SDCCAG8: variants seen among roughly 807,000 people sequenced by gnomAD.
SDCCAG8 encodes SHH signaling and ciliogenesis regulator SDCCAG8.
A neutral mutation model predicts 101.8 loss-of-function variants in SDCCAG8; 74 were observed. That is an observed-to-expected ratio of 0.73 (90% CI 0.60 to 0.88). The LOEUF is 0.88. SDCCAG8 is among the 40% of genes least tolerant of loss of function. The probability of loss-of-function intolerance (pLI) is 0.00; values close to 1 mark genes in which losing one functional copy is unlikely to be tolerated. For synonymous variants in SDCCAG8, 281 were observed against 292.9 expected (o/e 0.96, Z 0.41); for missense variants, 787 against 822.6 (o/e 0.96, Z 0.53).
At chr1:243,377,830 C>T (rs1182692644) in intron 12 of SDCCAG8, among the ~76,000 whole-genome samples, 4 of 144,962 alleles carry the variant, frequency 2.8e-5, no homozygotes, top group Non-Finnish European at 4.5e-5. Flanking sequence ...TCTGCCCTTT[C>T]TTTTTTTTTT....
intron 7 of SDCCAG8, chr1:243,307,677 T>G: frequency 8.0e-7 from 1 of 1,245,300 alleles, no homozygotes; most frequent in Non-Finnish European, 1.0e-6. Flanking sequence ...TTGTGGTTAA[T>G]ATAACATTAA....
At chr1:243,349,590 G>A (rs912996685) in intron 12 of SDCCAG8, among the ~76,000 whole-genome samples, 5 of 152,044 alleles carry the variant, frequency 3.3e-5, no homozygotes, top group Admixed American at 2.6e-4. Context: ...TAATAACAAT[G>A]GTTTTAGAGT....
rs548450681 is a variant in SDCCAG8, at chr1:243,483,221, C to T, written c.1986-5793C>T. Among the ~76,000 whole-genome samples the T allele has an allele frequency of 1.2e-4, 19 of 152,126 alleles. No homozygotes were observed. In the South Asian group the frequency reaches 3.7e-3, roughly 30 times the overall value. ...GCCCGGGGAGGAGGCGGCGGGCGCCCGGGTCTTCCTCGGAGCGCGCCCCCT... is the reference window on the plus strand; with the variant it reads ...GCCCGGGGAGGAGGCGGCGGGCGCCTGGGTCTTCCTCGGAGCGCGCCCCCT... On this transcript the variant is annotated intron_variant, in intron 16 of 17. Coordinates refer to ENST00000366541, the MANE Select transcript of SDCCAG8 (RefSeq NM_006642.5).
chr1:243,293,916 C>G (rs1285428462), intron 6 of SDCCAG8, among the ~76,000 whole-genome samples: 8 of 152,164 alleles, frequency 5.3e-5, no homozygotes, highest in Admixed American at 5.2e-4. Context: ...TCTACCTGCT[C>G]AAATCTGCTC....
At chr1:243,298,706 TATACATCC>T (rs2071209014) in intron 6 of SDCCAG8, among the ~76,000 whole-genome samples, 2 of 152,234 alleles carry the variant, frequency 1.3e-5, no homozygotes, top group South Asian at 4.1e-4. Flanking sequence ...CCTATGTGTT[TATACATCC>T]AAGCACCATT....
intron 13 of SDCCAG8, among the ~76,000 whole-genome samples, chr1:243,398,305 T>G (rs1409649719): frequency 6.6e-6 from 1 of 152,128 alleles, no homozygotes; most frequent in Non-Finnish European, 1.5e-5. Flanking sequence ...GAAATCAGAT[T>G]AACAGTTATA....
In SDCCAG8 at chr1:243,467,597, A is replaced by G. The variant is rs548721440; in HGVS notation, c.1986-21417A>G. Among the ~76,000 whole-genome samples the G allele has an allele frequency of 2.0e-5, 3 of 152,152 alleles. No homozygotes were observed. In the South Asian group the frequency reaches 6.2e-4, roughly 32 times the overall value. The stretch of plus-strand genomic sequence containing the variant: ...TCTTCATATCAGCATCTGATCAGGA[A>G]CCTCCAAATGTTCTAGCATCCTTTG... On this transcript the variant is annotated intron_variant, in intron 16 of 17. Coordinates refer to ENST00000366541, the MANE Select transcript of SDCCAG8 (RefSeq NM_006642.5).
rs146234876 is a variant in SDCCAG8 at position 243,490,668 on chromosome 1, C to T, written c.2112+1528C>T. On this transcript the variant is annotated intron_variant, in intron 17 of 17. Transcript: ENST00000366541. ...TGCTGAGTGCAGGCGGGATGCCCCA[C>T]GGGCCCTTGGGCACACAGGCTGAGG... Among the ~76,000 whole-genome samples, 629 of 152,354 alleles carry T rather than the reference C, an allele frequency of 4.1e-3. 4 individuals are homozygous for T. Among genetic ancestry groups the T allele is most frequent in the African/African-American group, 0.014 (602 of 41,586 alleles).
chr1:243,419,428 T>C (rs990799002), intron 15 of SDCCAG8, among the ~76,000 whole-genome samples: 2 of 152,202 alleles, frequency 1.3e-5, no homozygotes, highest in Non-Finnish European at 2.9e-5. Flanking sequence ...CAAGATTGTA[T>C]CATTTAGGGA....
chr1:243,484,690 C>T (rs556011205), intron 16 of SDCCAG8, among the ~76,000 whole-genome samples: 33 of 152,286 alleles, frequency 2.2e-4, no homozygotes, highest in Admixed American at 1.7e-3. Flanking sequence ...GGGAACCGCC[C>T]GAGAGCCGGG....
At chr1:243,487,317 T>C (rs1402312257) in intron 16 of SDCCAG8, among the ~76,000 whole-genome samples, 1 of 152,118 alleles carries the variant, frequency 6.6e-6, no homozygotes, top group Admixed American at 6.5e-5. Flanking sequence ...CTGGGTGGCT[T>C]TGAGGGTAGC....
At chr1:243,369,051 A>G (rs774692114) in intron 12 of SDCCAG8, among the ~76,000 whole-genome samples, 1 of 152,126 alleles carries the variant, frequency 6.6e-6, no homozygotes, top group African/African-American at 2.4e-5. Context: ...ATTACTTTAA[A>G]AAAATCTCAT....
At chr1:243,389,595 A>C (rs2078571800) in intron 13 of SDCCAG8, among the ~76,000 whole-genome samples, 1 of 152,202 alleles carries the variant, frequency 6.6e-6, no homozygotes, top group Non-Finnish European at 1.5e-5. Context: ...AGTATCTTTT[A>C]AATTTTTTTC....
chr1:243,449,153 G>A (rs936221116), intron 16 of SDCCAG8, among the ~76,000 whole-genome samples: 5 of 152,124 alleles, frequency 3.3e-5, no homozygotes, highest in Admixed American at 6.6e-5. Context: ...AACTGGAGTG[G>A]CTGCCTGGCT....
At position 243,482,178 on chromosome 1, in the gene SDCCAG8, A is replaced by G. The variant is rs1157109189; in HGVS notation, c.1986-6836A>G. 2.6e-5 allele frequency among the ~76,000 whole-genome samples: 4 copies of G among 152,212 alleles called. 1 individual carries two copies. The highest frequency in any genetic ancestry group is 6.5e-5 in the Admixed American group (1 of 15,284). On this transcript the variant is annotated intron_variant, in intron 16 of 17. Transcript: ENST00000366541. ...AGCTTGCACCGCTTCTGTTTTGCAT[A>G]AGATATTTTCCCCAGCCCACTCAGC...
rs1665736832 is a variant in SDCCAG8, at chr1:243,489,111, T to A, written c.2083T>A (p.Ser695Thr). The part of the protein sequence containing the change: ...NQLLLERQSL[S>T]EEVDRLRTQL... ...GCTTCTCCTGGAGAGGCAGAGCCTG[T>A]CGGAAGAGGTGGACCGGCTGCGGAC... Residue 695 changes from serine to threonine, a missense_variant, in exon 17 of 18, where the codon TCG becomes ACG. Physicochemically the swap from Ser to Thr is moderately conservative, Grantham distance 58. Transcript: ENST00000366541. 1 of 1,612,882 alleles carries A rather than the reference T, an allele frequency of 6.2e-7. No individual in the cohort carries two copies. Among genetic ancestry groups the A allele is most frequent in the African/African-American group, 1.3e-5 (1 of 74,918 alleles).
chr1:243,491,898 GCTTAA>G (rs1310443087), intron 17 of SDCCAG8, among the ~76,000 whole-genome samples: 1 of 152,194 alleles, frequency 6.6e-6, no homozygotes, highest in Non-Finnish European at 1.5e-5. Flanking sequence ...GATGAGTTAA[GCTTAA>G]CTTAATTTTG....
Position 243,274,562 on chromosome 1 carries a change from A to G in SDCCAG8, c.326A>G (p.Glu109Gly), listed in dbSNP as rs752112426. Reference protein sequence around the residue: ...MSPLRSLEHEETNMPTMHDLV... With the variant: ...MSPLRSLEHEGTNMPTMHDLV... ...TCATAGAGGTCATTAGAACATGAGG[A>G]AACCAATATGCCTACTATGCACGAC... Residue 109 changes from glutamate (E) to glycine (G), a missense_variant, in exon 4 of 18, where the codon GAA becomes GGA. Transcript: ENST00000366541. 1 of 1,600,198 alleles carries G rather than the reference A, an allele frequency of 6.2e-7. No homozygotes were observed. Among genetic ancestry groups the G allele is most frequent in the East Asian group, 2.2e-5 (1 of 44,702 alleles).
chr1:243,260,305 A>G (rs1159847864), intron 1 of SDCCAG8, among the ~76,000 whole-genome samples: 1 of 152,168 alleles, frequency 6.6e-6, no homozygotes, highest in Non-Finnish European at 1.5e-5. Flanking sequence ...GTGATTTGGG[A>G]GGTCTCTTGG....
Sources: allele counts gnomAD v4.1 joint callset (sites outside exome capture counted in the v4.1 genomes callset), GRCh38; gene constraint gnomAD v4.1.1; transcripts MANE v1.5; gene names NCBI Gene and HGNC (gene_info 2026-07-23, HGNC 2026-07-21).